Variants in MGAM2 observed in about 807,000 individuals in gnomAD.
MGAM2 encodes the protein probable maltase-glucoamylase 2.
In MGAM2, 98 loss-of-function variants were observed where a neutral mutation model predicts 96.1. The observed-to-expected ratio is 1.02, with a 90% CI of 0.87 to 1.21. MGAM2 has a LOEUF of 1.21. MGAM2 is among the 50% of genes most tolerant of loss of function. The pLI is 0.00. For missense variants in MGAM2, 2,055 were observed against 1,182.4 expected, an observed-to-expected ratio of 1.74 and a Z score of -10.82; for synonymous variants, 749 against 414.8, an observed-to-expected ratio of 1.81 and a Z score of -9.79.
chr7:142,209,147 G>T (rs1469140350), intron 46 of MGAM2, among the ~76,000 whole-genome samples: 1 of 152,126 alleles, frequency 6.6e-6, no homozygotes, highest in African/African-American at 2.4e-5. Flanking sequence ...CACATATCTG[G>T]GGGGTCAGCT....
At chr7:142,219,138 C>T (rs2129107966) in intron 47 of MGAM2, among the ~76,000 whole-genome samples, 1 of 152,212 alleles carries the variant, frequency 6.6e-6, no homozygotes, top group South Asian at 2.1e-4. Flanking sequence ...TTACCAAAGG[C>T]AACCACAAAG....
intron 23 of MGAM2, 56 bp from the exon 24 acceptor site, chr7:142,164,800 G>A: frequency 1.7e-6 from 1 of 604,530 alleles, no homozygotes; most frequent in Non-Finnish European, 2.9e-6. Context: ...GGTATTTGGG[G>A]ATAATAAGGG....
chr7:142,145,878 T>C (rs1795368017), intron 14 of MGAM2, among the ~76,000 whole-genome samples: 1 of 152,100 alleles, frequency 6.6e-6, no homozygotes, highest in Admixed American at 6.5e-5. Context: ...GGTATAATCT[T>C]CTTATATTTC....
At chr7:142,203,040 G>T (rs2129102486) in intron 45 of MGAM2, among the ~76,000 whole-genome samples, 1 of 152,256 alleles carries the variant, frequency 6.6e-6, no homozygotes, top group African/African-American at 2.4e-5. Flanking sequence ...GATTGGTGAT[G>T]ATAAGCATTT....
chr7:142,135,723 T>TACACACACACACACACAC lies in MGAM2; in HGVS notation c.748-804_748-787dup, dbSNP rs144830276. ...CTTTTATTCTTACAGCACTTAGAGT[T>TACACACACACACACACAC]ACACACACACACACACACACACACA... On this transcript the variant is annotated intron_variant, in intron 7 of 47. Coordinates refer to ENST00000477922, the MANE Select transcript of MGAM2 (RefSeq NM_001293626.2). Among the ~76,000 whole-genome samples the TACACACACACACACACAC allele has an allele frequency of 6.4e-3, 924 of 145,172 alleles. 3 individuals carry two copies. Among genetic ancestry groups the TACACACACACACACACAC allele is most frequent in the East Asian group, 0.021 (101 of 4,844 alleles).
At chr7:142,212,347 A>T (rs1363697327) in intron 46 of MGAM2, among the ~76,000 whole-genome samples, 2 of 152,250 alleles carry the variant, frequency 1.3e-5, no homozygotes, top group Non-Finnish European at 2.9e-5. Context: ...AAATTCACAA[A>T]TAACAGTATT....
At chr7:142,173,632 T>C (rs1796272531) in intron 31 of MGAM2, among the ~76,000 whole-genome samples, 1 of 152,206 alleles carries the variant, frequency 6.6e-6, no homozygotes, top group South Asian at 2.1e-4. Flanking sequence ...TATGCACAAG[T>C]CTCTGTTTTA....
intron 28 of MGAM2, 57 bp from the exon 29 acceptor site, chr7:142,172,041 T>C (rs1796211665): frequency 1.6e-5 from 10 of 633,166 alleles, no homozygotes; most frequent in South Asian, 1.6e-4. Flanking sequence ...GTTTGGGTTA[T>C]GGTATGAAAA....
rs528524048 is a variant in MGAM2 at position 142,197,706 on chromosome 7, T to C, written c.4844T>C (p.Leu1615Ser). The C allele has an allele frequency of 8.5e-6, 6 of 703,038 alleles. No individual in the cohort carries two copies. Among genetic ancestry groups the C allele is most frequent in the Admixed American group, 8.0e-5 (4 of 50,010 alleles). 43.5% of individuals were successfully genotyped at this position (703,038 alleles called of 1,614,324 possible). Residue 1615 changes from leucine (L) to serine (S), a missense_variant, in exon 42 of 48, where the codon TTA becomes TCA. Coordinates refer to ENST00000477922, the MANE Select transcript of MGAM2 (RefSeq NM_001293626.2). ...DRQFMLGPAI[L>S]ISPVLETSTF... is the part of the protein sequence containing the mutation. ...CAGTTCATGTTGGGCCCTGCTATCT[T>C]AATCAGCCCTGTGTTGGAAACTGTG...
At chr7:142,191,912 T>C (rs1354187736) in intron 37 of MGAM2, among the ~76,000 whole-genome samples, 3 of 152,210 alleles carry the variant, frequency 2.0e-5, no homozygotes, top group Non-Finnish European at 4.4e-5. Flanking sequence ...TAGTTTTTAA[T>C]GTATATGTTT....
rs759643585 is a variant in MGAM2 at position 142,148,097 on chromosome 7, AC to A, written c.1634+525del. On this transcript the variant is annotated intron_variant, in intron 15 of 47. Coordinates refer to ENST00000477922, the MANE Select transcript of MGAM2 (RefSeq NM_001293626.2). This position sits in a 1 kb window ranked among gnomAD's most constrained non-coding sequence, Gnocchi z 4.2. ...CTCCCTTCTGCCCTAAGACACACAC[AC>A]ATGCACACACACGTGCACACACAAC... 2.0e-5 allele frequency among the ~76,000 whole-genome samples: 3 copies of A among 151,944 alleles called. No individual in the cohort carries two copies. The highest frequency in any genetic ancestry group is 4.4e-5 in the Non-Finnish European group (3 of 67,980).
chr7:142,193,675 ATT>A (rs1387967047), intron 37 of MGAM2, among the ~76,000 whole-genome samples: 3 of 152,120 alleles, frequency 2.0e-5, no homozygotes, highest in Non-Finnish European at 4.4e-5. Flanking sequence ...GATTCCAGAT[ATT>A]TATGCATTTA....
chr7:142,202,627 G>A (rs2129102374), intron 45 of MGAM2, among the ~76,000 whole-genome samples: 1 of 152,250 alleles, frequency 6.6e-6, no homozygotes, highest in African/African-American at 2.4e-5. Context: ...CTGCATCCAT[G>A]CTGCTGCATA....
chr7:142,177,784 G>A (rs1023668022), intron 32 of MGAM2, among the ~76,000 whole-genome samples: 1 of 152,142 alleles, frequency 6.6e-6, no homozygotes, highest in Non-Finnish European at 1.5e-5. Flanking sequence ...TGGGCTCCTG[G>A]GTTGACTTCA....
At chr7:142,117,486 C>A (rs541491762) in intron 2 of MGAM2, among the ~76,000 whole-genome samples, 1 of 152,192 alleles carries the variant, frequency 6.6e-6, no homozygotes, top group Non-Finnish European at 1.5e-5. Context: ...AGAATGCCTT[C>A]TCTTTCACGC....
chr7:142,140,185 C>T (rs911577542), intron 10 of MGAM2, among the ~76,000 whole-genome samples: 16 of 152,138 alleles, frequency 1.1e-4, no homozygotes, highest in African/African-American at 2.7e-4. Context: ...CTCATCAGCC[C>T]CCCTACCTCC....
intron 44 of MGAM2, among the ~76,000 whole-genome samples, chr7:142,199,118 G>A (rs1175796964): frequency 2.0e-5 from 3 of 152,116 alleles, no homozygotes; most frequent in African/African-American, 7.2e-5. Context: ...AGAACTTAAT[G>A]TTCATTCCTA....
rs148283621 is a variant in MGAM2 at position 142,208,701 on chromosome 7, T to C, written c.5187+79T>C. ...AACATTACAGTTAACTGCGTAAATG[T>C]AATATCCCACATCTTAATAGGAGGT... On this transcript the variant is annotated intron_variant, in intron 46 of 47. Transcript: ENST00000477922. 6.2e-4 allele frequency: 411 copies of C among 668,268 alleles called. 1 individual carries two copies. In the African/African-American group the frequency reaches 6.6e-3, roughly 11 times the overall value. 41.4% of individuals were successfully genotyped at this position (668,268 alleles called of 1,614,324 possible). A position where few individuals can be genotyped will look rare whatever the true frequency, so the allele number is the denominator to read the frequency against.
chr7:142,122,722 T>C (rs538309587), intron 3 of MGAM2, among the ~76,000 whole-genome samples: 5 of 152,372 alleles, frequency 3.3e-5, no homozygotes, highest in South Asian at 2.1e-4. Context: ...TATTCCATTG[T>C]ATGAGTATGC....
Sources: gnomAD v4.1 joint callset for allele counts (sites outside exome capture counted in the v4.1 genomes callset) on GRCh38, gnomAD v4.1.1 for gene constraint, Gnocchi (gnomAD v3.1) non-coding constraint, MANE v1.5 for transcripts, NCBI Gene and HGNC (gene_info 2026-07-23, HGNC 2026-07-21) for gene names.